The following HS3ST5 variants were observed in gnomAD, a reference collection of about 807,000 sequenced individuals.
HS3ST5 encodes heparan sulfate glucosamine 3-O-sulfotransferase 5.
HS3ST5 carries 10 observed loss-of-function variants against 25.4 expected under a neutral mutation model. That is an observed-to-expected ratio of 0.39 (90% CI 0.24 to 0.67). The LOEUF (loss-of-function observed/expected upper bound fraction) is 0.67. Among genes scored for constraint, HS3ST5 ranks in the 30% least tolerant of loss-of-function variants. The probability of loss-of-function intolerance (pLI) is 0.44; values close to 1 mark genes in which losing one functional copy is unlikely to be tolerated. For missense variants in HS3ST5, 324 were observed against 420.7 expected (o/e 0.77, Z 2.01); for synonymous variants, 170 against 162.4 (o/e 1.05, Z -0.36).
chr6:114,098,387 A>C (rs985802544), intron 3 of HS3ST5, among the ~76,000 whole-genome samples: 1 of 151,110 alleles, frequency 6.6e-6, no homozygotes, highest in Non-Finnish European at 1.5e-5. Context: ...TGGAAACAAA[A>C]CATATAACAA....
chr6:114,145,829 A>G (rs537991957), intron 3 of HS3ST5, among the ~76,000 whole-genome samples: 1 of 152,186 alleles, frequency 6.6e-6, no homozygotes, highest in East Asian at 1.9e-4. Flanking sequence ...CAGCTTTGGG[A>G]GGATAATTTC....
intron 1 of HS3ST5, among the ~76,000 whole-genome samples, chr6:114,307,185 C>A (rs190746773): frequency 2.6e-3 from 402 of 152,250 alleles, no homozygotes; most frequent in African/African-American, 9.2e-3. Flanking sequence ...AGGAAATTTA[C>A]AACTTTGATT....
intron 3 of HS3ST5, among the ~76,000 whole-genome samples, chr6:114,113,411 A>C (rs1776363306): frequency 1.3e-5 from 2 of 151,470 alleles, no homozygotes; most frequent in African/African-American, 2.4e-5. Flanking sequence ...CCCTTCATTT[A>C]CTCCAGTCAC....
At chr6:114,282,720 C>A (rs1774171042) in intron 1 of HS3ST5, among the ~76,000 whole-genome samples, 1 of 152,008 alleles carries the variant, frequency 6.6e-6, no homozygotes, top group African/African-American at 2.4e-5. Context: ...CTCCTCCTAT[C>A]CTTTCTCCCT....
At chr6:114,081,471 A>G (rs555530771) in intron 3 of HS3ST5, among the ~76,000 whole-genome samples, 1 of 152,324 alleles carries the variant, frequency 6.6e-6, no homozygotes, top group African/African-American at 2.4e-5. Context: ...CAGAACTTAG[A>G]AGAAATGAAA....
At chr6:114,076,713 G>A (rs774797976) in intron 3 of HS3ST5, among the ~76,000 whole-genome samples, 4 of 152,184 alleles carry the variant, frequency 2.6e-5, no homozygotes, top group East Asian at 1.9e-4. Flanking sequence ...TAATAATTAC[G>A]TAAGAGCACT....
At chr6:114,173,213 T>C (rs1338220893) in intron 2 of HS3ST5, among the ~76,000 whole-genome samples, 2 of 152,226 alleles carry the variant, frequency 1.3e-5, no homozygotes, top group Non-Finnish European at 2.9e-5. Context: ...TTGACAAGCA[T>C]GGGGAATTAA....
At chr6:114,257,997 G>A (rs1037523365) in intron 1 of HS3ST5, among the ~76,000 whole-genome samples, 2 of 152,124 alleles carry the variant, frequency 1.3e-5, no homozygotes, top group African/African-American at 4.8e-5. Flanking sequence ...GACCCCAAGG[G>A]ATCCTCCTGC....
intron 3 of HS3ST5, among the ~76,000 whole-genome samples, chr6:114,153,461 A>G (rs1028141132): frequency 6.6e-6 from 1 of 152,166 alleles, no homozygotes; most frequent in Non-Finnish European, 1.5e-5. Context: ...CTGCTGAAAA[A>G]TCATATCCTC....
At chr6:114,066,139 G>C (rs1028382059) in intron 3 of HS3ST5, among the ~76,000 whole-genome samples, 2 of 152,096 alleles carry the variant, frequency 1.3e-5, no homozygotes, top group Non-Finnish European at 2.9e-5. Flanking sequence ...TGCTTCTTTG[G>C]TGTGTATTAT....
chr6:114,302,182 C>G (rs1052039485), intron 1 of HS3ST5, among the ~76,000 whole-genome samples: 1 of 152,142 alleles, frequency 6.6e-6, no homozygotes, highest in African/African-American at 2.4e-5. Flanking sequence ...TGACCCTAGA[C>G]ACCCTTAATA....
chr6:114,330,124 A>T (rs1562277942), intron 1 of HS3ST5, among the ~76,000 whole-genome samples: 2 of 151,772 alleles, frequency 1.3e-5, no homozygotes, highest in East Asian at 3.9e-4. Context: ...ATTATTCCAG[A>T]TTTTTTTTTA....
chr6:114,298,890 A>C (rs1337676592), intron 1 of HS3ST5, among the ~76,000 whole-genome samples: 1 of 152,178 alleles, frequency 6.6e-6, no homozygotes, highest in Non-Finnish European at 1.5e-5. Context: ...ATGTCACCTC[A>C]GGACCCTGTG....
chr6:114,324,872 G>C (rs1328640215), intron 1 of HS3ST5, among the ~76,000 whole-genome samples: 3 of 152,100 alleles, frequency 2.0e-5, no homozygotes, highest in African/African-American at 7.2e-5. Flanking sequence ...TGCGGATAAC[G>C]TGTCTCACTC....
intron 1 of HS3ST5, among the ~76,000 whole-genome samples, chr6:114,290,835 T>A (rs1774543889): frequency 7.6e-6 from 1 of 132,426 alleles, no homozygotes; most frequent in Admixed American, 7.2e-5. Context: ...GTTGTGTTAC[T>A]ATTTTTTTTT....
chr6:114,240,901 G>C (rs1772082878), intron 1 of HS3ST5, among the ~76,000 whole-genome samples: 1 of 152,112 alleles, frequency 6.6e-6, no homozygotes. Context: ...GTTATTCCAA[G>C]TGCCATCCCT....
chr6:114,230,227 T>C (rs1368722246), intron 1 of HS3ST5: 1 of 144,458 alleles, frequency 6.9e-6, no homozygotes, highest in Non-Finnish European at 1.5e-5. Flanking sequence ...TGGAATGGAA[T>C]GGAAAGCCTA....
At chr6:114,112,022 C>T (rs772481962) in intron 3 of HS3ST5, among the ~76,000 whole-genome samples, 22 of 152,088 alleles carry the variant, frequency 1.4e-4, no homozygotes, top group Non-Finnish European at 1.5e-5. Flanking sequence ...GCTTGGAGTC[C>T]ATGGTTCCGC....
At chr6:114,176,601 A>G (rs373856865) in intron 2 of HS3ST5, among the ~76,000 whole-genome samples, 1 of 152,148 alleles carries the variant, frequency 6.6e-6, no homozygotes, top group East Asian at 1.9e-4. Context: ...CATTCAACTC[A>G]ACTCCATGGG....
Sources: gnomAD v4.1 joint callset for allele counts (sites outside exome capture counted in the v4.1 genomes callset) on GRCh38, gnomAD v4.1.1 for gene constraint, MANE v1.5 for transcripts, NCBI Gene and HGNC (gene_info 2026-07-23, HGNC 2026-07-21) for gene names.